The following RUFY3 variants were observed in gnomAD, a reference collection of about 807,000 sequenced individuals.
The protein encoded by RUFY3 is RUN and FYVE domain containing 3.
In RUFY3, 34 loss-of-function variants were observed where a neutral mutation model predicts 84.0. That is an observed-to-expected ratio of 0.40 (90% confidence interval 0.31 to 0.54). RUFY3 has a LOEUF of 0.54. Ranked by LOEUF, RUFY3 falls within the 20% of genes least tolerant of loss-of-function variation. RUFY3 has a pLI of 0.39. For synonymous variants in RUFY3, 242 were observed against 252.9 expected, an observed-to-expected ratio of 0.96 and a Z score of 0.41; for missense variants, 507 against 736.8, an observed-to-expected ratio of 0.69 and a Z score of 3.61.
At chr4:70,705,092 C>T (rs1396907183) in exon 1 of RUFY3, 1 of 1,345,086 alleles carries the variant, frequency 7.4e-7, no homozygotes, top group Non-Finnish European at 9.5e-7. Flanking sequence ...CCTCCCCCGC[C>T]GGGCAGTCGG....
chr4:70,710,487 A>G (rs1182831450), intron 1 of RUFY3, among the ~76,000 whole-genome samples: 3 of 151,870 alleles, frequency 2.0e-5, no homozygotes, highest in African/African-American at 7.3e-5. Flanking sequence ...CCTGACCAAC[A>G]TGGAGAAACC....
intron 1 of RUFY3, chr4:70,705,332 G>C (rs561192691): frequency 1.5e-6 from 2 of 1,306,392 alleles, no homozygotes; most frequent in East Asian, 3.1e-5. Flanking sequence ...CCGCGGGGAA[G>C]GGAGCATTCG....
chr4:70,772,566 T>C (rs1727140904), intron 5 of RUFY3, among the ~76,000 whole-genome samples: 1 of 152,244 alleles, frequency 6.6e-6, no homozygotes, highest in South Asian at 2.1e-4. Flanking sequence ...TCACCCTTTC[T>C]GTATGAAATA....
chr4:70,775,946 A>AAAAAAAAAAAAAAAAAC (rs756167508), intron 7 of RUFY3, among the ~76,000 whole-genome samples: 2 of 137,958 alleles, frequency 1.4e-5, no homozygotes, highest in African/African-American at 5.9e-5. Context: ...GTCTTAAACA[A>AAAAAAAAAAAAAAAAAC]AAAAAAAAAA....
At chr4:70,774,475 C>A (rs1447649503) in intron 6 of RUFY3, among the ~76,000 whole-genome samples, 1 of 149,200 alleles carries the variant, frequency 6.7e-6, no homozygotes, top group Non-Finnish European at 1.5e-5. Context: ...AATAGCCAGG[C>A]ATTATGGCGG....
At chr4:70,733,137 GGAGAGAGAGAGA>G (rs778346957) in intron 1 of RUFY3, among the ~76,000 whole-genome samples, 4 of 86,634 alleles carry the variant, frequency 4.6e-5, no homozygotes, top group Admixed American at 2.7e-4. Flanking sequence ...AGGGAGGGAG[GGAGAGAGAGAGA>G]GAGAGAGAGA....
chr4:70,715,686 T>C (rs1741496721), intron 1 of RUFY3, among the ~76,000 whole-genome samples: 1 of 150,894 alleles, frequency 6.6e-6, no homozygotes, highest in Admixed American at 6.6e-5. Context: ...ATTATGAAAC[T>C]GTGATTCAGG....
chr4:70,769,339 T>A (rs1330670463), intron 5 of RUFY3, among the ~76,000 whole-genome samples: 2 of 152,126 alleles, frequency 1.3e-5, no homozygotes, highest in Non-Finnish European at 2.9e-5. Context: ...CTAAAAAAAA[T>A]TTTTTAAATA....
intron 1 of RUFY3, among the ~76,000 whole-genome samples, chr4:70,727,898 T>C (rs529638600): frequency 6.6e-6 from 1 of 152,156 alleles, no homozygotes; most frequent in African/African-American, 2.4e-5. Flanking sequence ...TTATTGAGTG[T>C]TTAACAACAA....
At chr4:70,769,007 A>G (rs911389905) in intron 5 of RUFY3, among the ~76,000 whole-genome samples, 1 of 152,162 alleles carries the variant, frequency 6.6e-6, no homozygotes, top group Non-Finnish European at 1.5e-5. Flanking sequence ...TAAAGCAAAT[A>G]TCATAATAAA....
chr4:70,742,071 T>C (rs1483210022), intron 1 of RUFY3, among the ~76,000 whole-genome samples: 2 of 151,112 alleles, frequency 1.3e-5, no homozygotes, highest in Non-Finnish European at 2.9e-5. Flanking sequence ...GGAATGTTGC[T>C]CTGATTTGTA....
rs1578129801 is a variant in RUFY3 at position 70,763,732 on chromosome 4, G to A, written c.470+63G>A. ...ATTCTTATTAACTATCCCTTGAAGAGCAAGACTAAAGACAATTATGTACGA... is the reference window on the plus strand; with the variant it reads ...ATTCTTATTAACTATCCCTTGAAGAACAAGACTAAAGACAATTATGTACGA... On this transcript the variant is annotated intron_variant, in intron 3 of 17. Coordinates refer to ENST00000381006, the MANE Select transcript of RUFY3 (RefSeq NM_001037442.4). 4 of 1,563,988 alleles carry A rather than the reference G, an allele frequency of 2.6e-6. No homozygotes were observed. In the East Asian group the frequency reaches 6.8e-5, roughly 27 times the overall value.
At position 70,808,384 on chromosome 4, in the gene RUFY3, C is replaced by T. The variant is rs112663080; in HGVS notation, c.*1725C>T. Among the ~76,000 whole-genome samples, 983 of 152,176 alleles carry T rather than the reference C, an allele frequency of 6.5e-3. 12 individuals carry two copies. The highest frequency in any genetic ancestry group is 0.022 in the African/African-American group (926 of 41,536). ...ATTACATAATATTTTGATTCTGTTACGTGTGTCTATAGATTGTTTCATTCT... is the reference window on the plus strand; with the variant it reads ...ATTACATAATATTTTGATTCTGTTATGTGTGTCTATAGATTGTTTCATTCT... On this transcript the variant is annotated 3_prime_UTR_variant, in exon 18 of 18. Coordinates refer to ENST00000381006, the MANE Select transcript of RUFY3 (RefSeq NM_001037442.4).
At chr4:70,790,572 A>G (rs1730644930) in intron 12 of RUFY3, among the ~76,000 whole-genome samples, 2 of 152,246 alleles carry the variant, frequency 1.3e-5, no homozygotes, top group East Asian at 3.8e-4. Flanking sequence ...CTTTGCAGCT[A>G]GAAATGATCT....
chr4:70,791,421 A>C, intron 12 of RUFY3: 1 of 1,427,468 alleles, frequency 7.0e-7, no homozygotes, highest in Non-Finnish European at 9.2e-7. Context: ...GTTGACTTTG[A>C]ATTTGTTGGA....
At chr4:70,800,728 C>T (rs1429463895) in intron 15 of RUFY3, among the ~76,000 whole-genome samples, 2 of 151,768 alleles carry the variant, frequency 1.3e-5, no homozygotes, top group Non-Finnish European at 2.9e-5. Context: ...ACTAACGATA[C>T]AAAATTAGTC....
At chr4:70,749,440 A>G (rs1473909705) in intron 1 of RUFY3, among the ~76,000 whole-genome samples, 1 of 152,010 alleles carries the variant, frequency 6.6e-6, no homozygotes, top group Non-Finnish European at 1.5e-5. Flanking sequence ...TGTATACCTA[A>G]CCAAGAATGA....
intron 12 of RUFY3, chr4:70,792,397 A>G: frequency 1.0e-6 from 1 of 959,546 alleles, no homozygotes; most frequent in Non-Finnish European, 1.2e-6. Context: ...GTACAAAAAT[A>G]GATTCCCAGT....
At chr4:70,766,146 C>T (rs749251423) in intron 4 of RUFY3, among the ~76,000 whole-genome samples, 1 of 152,150 alleles carries the variant, frequency 6.6e-6, no homozygotes, top group Non-Finnish European at 1.5e-5. Context: ...TTGACCTTTA[C>T]CCCCAGGTAA....
Sources: gnomAD v4.1 joint callset for allele counts (sites outside exome capture counted in the v4.1 genomes callset) on GRCh38, gnomAD v4.1.1 for gene constraint, MANE v1.5 for transcripts, NCBI Gene and HGNC (gene_info 2026-07-23, HGNC 2026-07-21) for gene names.